Variants in CNTLN observed in about 807,000 individuals in gnomAD.
CNTLN encodes the protein centlein, centrosomal protein.
A neutral mutation model predicts 180.0 loss-of-function variants in CNTLN; 212 were observed. That is an observed-to-expected ratio of 1.18 (90% CI 1.05 to 1.32). The LOEUF (loss-of-function observed/expected upper bound fraction) is 1.32, where lower values mean the gene tolerates loss of function less well. Ranked by LOEUF, CNTLN falls within the 40% of genes most tolerant of loss-of-function variation. The pLI, the probability that CNTLN is intolerant of heterozygous loss-of-function variation, is 0.00. For synonymous variants in CNTLN, 722 were observed against 563.1 expected, an observed-to-expected ratio of 1.28 and a Z score of -3.99; for missense variants, 2,095 against 1,610.9, an observed-to-expected ratio of 1.30 and a Z score of -5.14.
At chr9:17,507,208 T>C (rs889628948), downstream of CNTLN, among the ~76,000 whole-genome samples, 3 of 152,180 alleles carry the variant, frequency 2.0e-5, no homozygotes, top group Admixed American at 6.6e-5. Context: ...GTACCCAATG[T>C]TTATCTCCCA....
Position 17,135,097 on chromosome 9 carries a change from C to G in CNTLN, c.32C>G (p.Pro11Arg). MAARSPPSPHPSPPARQLGPR... is the reference protein window; with the variant it reads MAARSPPSPHRSPPARQLGPR... Reference sequence around the variant, plus strand: ...GCGCGTTCGCCTCCCTCACCGCACCCTTCGCCCCCAGCGCGACAGCTGGGC... The same window carrying G: ...GCGCGTTCGCCTCCCTCACCGCACCGTTCGCCCCCAGCGCGACAGCTGGGC... Residue 11 changes from proline (P) to arginine (R), a missense_variant, in exon 1 of 26, where the codon CCT (proline) becomes CGT (arginine). Transcript: ENST00000380647. The G allele has an allele frequency of 1.9e-6, 3 of 1,604,846 alleles. No homozygotes were observed. The highest frequency in any genetic ancestry group is 1.1e-5 in the South Asian group (1 of 89,734).
At chr9:17,441,147 T>C (rs1180366668) in intron 18 of CNTLN, among the ~76,000 whole-genome samples, 1 of 152,174 alleles carries the variant, frequency 6.6e-6, no homozygotes, top group African/African-American at 2.4e-5. Flanking sequence ...TGAAAGAGAC[T>C]TTCCCAGACA....
At position 17,395,077 on chromosome 9, in the gene CNTLN, T is replaced by C; in HGVS notation, c.2615+8T>C. 1.3e-6 allele frequency: 2 copies of C among 1,596,554 alleles called. No individual in the cohort carries two copies. The highest frequency in any genetic ancestry group is 2.3e-5 in the South Asian group (2 of 88,642). On this transcript the variant is annotated splice_region_variant and intron_variant, in intron 15 of 25. Coordinates refer to ENST00000380647, the MANE Select transcript of CNTLN (RefSeq NM_017738.4). ...GGATGTGAGTGAAAGCAGGTAAGGCTCTCATTAACTTAGCTCTGTGGTGGG... is the reference window on the plus strand; with the variant it reads ...GGATGTGAGTGAAAGCAGGTAAGGCCCTCATTAACTTAGCTCTGTGGTGGG...
intron 6 of CNTLN, among the ~76,000 whole-genome samples, chr9:17,294,834 AGG>A (rs1817719485): frequency 7.2e-5 from 1 of 13,960 alleles, no homozygotes; most frequent in Admixed American, 8.2e-4. Flanking sequence ...GAGGGCGGGG[AGG>A]AGGGGGGAGG....
rs1822795032 is a variant in CNTLN, at chr9:17,204,769, C to T, written c.450-21434C>T. 3.3e-5 allele frequency among the ~76,000 whole-genome samples: 5 copies of T among 152,150 alleles called. No homozygotes were observed. In the South Asian group the frequency reaches 1.0e-3, roughly 31 times the overall value. ...AGTTGGCAGCCAGGAAAGATTAAGC[C>T]CGCTAAAGCTGAGCCCACAGCCGCC... On this transcript the variant is annotated intron_variant, in intron 2 of 25. Transcript: ENST00000380647.
At chr9:17,289,943 C>A (rs1334416991) in intron 6 of CNTLN, among the ~76,000 whole-genome samples, 1 of 150,020 alleles carries the variant, frequency 6.7e-6, no homozygotes, top group African/African-American at 2.5e-5. Flanking sequence ...ACTTCTTTGC[C>A]TTTGGTTTGA....
At chr9:17,217,732 CTT>C (rs1242404908) in intron 2 of CNTLN, among the ~76,000 whole-genome samples, 1 of 152,148 alleles carries the variant, frequency 6.6e-6, no homozygotes, top group Non-Finnish European at 1.5e-5. Flanking sequence ...TTTTCCTACT[CTT>C]TTATGTTGTT....
chr9:17,490,293 A>C (rs553385691), intron 25 of CNTLN, among the ~76,000 whole-genome samples: 122 of 152,174 alleles, frequency 8.0e-4, no homozygotes, highest in Non-Finnish European at 1.3e-3. Context: ...GAAAGGCTGG[A>C]GACAGATTGT....
chr9:17,408,664 G>A (rs937695273), intron 15 of CNTLN, among the ~76,000 whole-genome samples: 3 of 152,110 alleles, frequency 2.0e-5, no homozygotes, highest in Middle Eastern at 6.8e-3. Flanking sequence ...AGTCAGGCGT[G>A]GTGATGGGCG....
the CNTLN span, among the ~76,000 whole-genome samples, chr9:17,517,151 G>T: frequency 6.6e-6 from 1 of 152,016 alleles, no homozygotes; most frequent in East Asian, 1.9e-4. Flanking sequence ...CAGCACTTTG[G>T]GAGGCCGAGA....
intron 18 of CNTLN, among the ~76,000 whole-genome samples, chr9:17,435,030 AT>A (rs1238448126): frequency 1.3e-5 from 2 of 152,200 alleles, no homozygotes; most frequent in African/African-American, 4.8e-5. Context: ...CATTACTTAA[AT>A]TTTGACTTCT....
intron 2 of CNTLN, among the ~76,000 whole-genome samples, chr9:17,186,426 A>C (rs1821438688): frequency 6.6e-6 from 1 of 152,082 alleles, no homozygotes; most frequent in Non-Finnish European, 1.5e-5. Context: ...ATTCATCTTG[A>C]TTTTCTCAAT....
At chr9:17,384,070 A>G (rs995598905) in intron 13 of CNTLN, among the ~76,000 whole-genome samples, 1 of 152,190 alleles carries the variant, frequency 6.6e-6, no homozygotes, top group Non-Finnish European at 1.5e-5. Flanking sequence ...ACAGTCTAAA[A>G]TATTTTAAAA....
chr9:17,263,552 A>G (rs1157974904), intron 5 of CNTLN, among the ~76,000 whole-genome samples: 1 of 151,654 alleles, frequency 6.6e-6, no homozygotes, highest in Non-Finnish European at 1.5e-5. Flanking sequence ...CTTTGGGTGT[A>G]TACCCAGTAA....
chr9:17,322,330 C>CT, intron 8 of CNTLN, among the ~76,000 whole-genome samples: 1 of 152,026 alleles, frequency 6.6e-6, no homozygotes, highest in Non-Finnish European at 1.5e-5. Context: ...TAACTATAAA[C>CT]TTTTTTTCTA....
At chr9:17,473,444 G>A (rs529419802) in intron 23 of CNTLN, among the ~76,000 whole-genome samples, 8 of 151,774 alleles carry the variant, frequency 5.3e-5, no homozygotes, top group African/African-American at 1.2e-4. Context: ...CTGCATGCCC[G>A]TCTAGAGCTA....
At chr9:17,439,572 A>G (rs1326933777) in intron 18 of CNTLN, among the ~76,000 whole-genome samples, 1 of 152,242 alleles carries the variant, frequency 6.6e-6, no homozygotes, top group East Asian at 1.9e-4. Flanking sequence ...GGAAATTTAT[A>G]TCCTTAAATA....
At chr9:17,206,197 T>C (rs1474780740) in intron 2 of CNTLN, among the ~76,000 whole-genome samples, 1 of 152,154 alleles carries the variant, frequency 6.6e-6, no homozygotes, top group African/African-American at 2.4e-5. Flanking sequence ...GGTGGGGTAA[T>C]AACACTTGTA....
chr9:17,271,696 C>A (rs147539238), intron 5 of CNTLN, among the ~76,000 whole-genome samples: 1 of 152,206 alleles, frequency 6.6e-6, no homozygotes, highest in African/African-American at 2.4e-5. Context: ...ATCTTTAATT[C>A]CTGTTTTTAT....
Sources: gnomAD v4.1 joint callset for allele counts (sites outside exome capture counted in the v4.1 genomes callset) on GRCh38, gnomAD v4.1.1 for gene constraint, MANE v1.5 for transcripts, NCBI Gene and HGNC (gene_info 2026-07-23, HGNC 2026-07-21) for gene names.